RNF212B: variants seen among roughly 807,000 people sequenced by gnomAD.
The protein encoded by RNF212B is ring finger protein 212B, also known as E3 ubiquitin-protein ligase RNF212B.
RNF212B carries 52 observed loss-of-function variants against 55.5 expected under a neutral mutation model. The ratio of observed to expected loss-of-function variants is 0.94; its 90% CI spans 0.75 to 1.18. The LOEUF is 1.18. RNF212B is among the 50% of genes most tolerant of loss of function. RNF212B has a pLI of 0.00. For missense variants in RNF212B, 289 were observed against 350.4 expected, an observed-to-expected ratio of 0.82 and a Z score of 1.40; for synonymous variants, 99 against 121.4, an observed-to-expected ratio of 0.82 and a Z score of 1.21.
chr14:23,191,144 A>G (rs1878078946), intron 1 of RNF212B, among the ~76,000 whole-genome samples: 1 of 152,148 alleles, frequency 6.6e-6, no homozygotes, highest in South Asian at 2.1e-4. Context: ...GCCTGAGGTC[A>G]GGAGTTCAAG....
intron 6 of RNF212B, among the ~76,000 whole-genome samples, chr14:23,260,263 AG>A (rs1451740627): frequency 5.5e-5 from 8 of 144,902 alleles, no homozygotes; most frequent in Admixed American, 4.6e-4. Flanking sequence ...AAGATACCTC[AG>A]GACCCTTCCT....
At chr14:23,270,788 T>C (rs1019635820) in intron 14 of RNF212B, 127 bp downstream of exon 14, 10 of 665,874 alleles carry the variant, frequency 1.5e-5, no homozygotes, top group Non-Finnish European at 2.4e-5. Flanking sequence ...CTGGTAACTA[T>C]ATGTTCACAA....
At chr14:23,186,792 G>A (rs543147950) in intron 1 of RNF212B, among the ~76,000 whole-genome samples, 11 of 152,276 alleles carry the variant, frequency 7.2e-5, no homozygotes, top group African/African-American at 2.4e-4. Flanking sequence ...GAAACCTGAG[G>A]CTTAAAGAAA....
chr14:23,273,038 A>AGGG lies in RNF212B; in HGVS notation c.*147_*148insGGG. The AGGG allele has an allele frequency of 1.9e-6, 1 of 526,202 alleles. No homozygotes were observed. The highest frequency in any genetic ancestry group is 3.3e-6 in the Non-Finnish European group (1 of 299,906). The allele number at this position is 526,202 out of a possible 1,614,324, so 32.6% of individuals were successfully genotyped here. A position where few individuals can be genotyped will look rare whatever the true frequency, so the allele number is the denominator to read the frequency against. Reference sequence around the variant, plus strand: ...CTTATGCTCCCCCCATCTTTACCCTATTCACCCTTATCACCTCCCAGGACA... The same window carrying AGGG: ...CTTATGCTCCCCCCATCTTTACCCTAGGGTTCACCCTTATCACCTCCCAGGACA... On this transcript the variant is annotated 3_prime_UTR_variant, in exon 15 of 15. Coordinates refer to ENST00000430154, the MANE Select transcript of RNF212B (RefSeq NM_001282322.3).
At chr14:23,186,318 A>C (rs1447105192) in intron 1 of RNF212B, among the ~76,000 whole-genome samples, 1 of 150,268 alleles carries the variant, frequency 6.7e-6, no homozygotes, top group Non-Finnish European at 1.5e-5. Context: ...GTAAAAAATT[A>C]CAAACTAATG....
intron 2 of RNF212B, among the ~76,000 whole-genome samples, chr14:23,203,070 T>C (rs961354518): frequency 4.6e-5 from 7 of 152,072 alleles, no homozygotes; most frequent in African/African-American, 1.7e-4. Flanking sequence ...GATTTTGGTG[T>C]ACCCATCACC....
At chr14:23,235,590 T>G (rs149316095), upstream of RNF212B, among the ~76,000 whole-genome samples, 1 of 152,206 alleles carries the variant, frequency 6.6e-6, no homozygotes, top group Non-Finnish European at 1.5e-5. Context: ...AGATGAAAAT[T>G]AGACCTTTGG....
Position 23,272,967 on chromosome 14 carries a change from C to A in RNF212B, c.*76C>A. 1.2e-6 allele frequency: 1 copy of A among 806,818 alleles called. No homozygotes were observed. 50.0% of individuals were successfully genotyped at this position (806,818 alleles called of 1,614,324 possible). ...TTCCAGTACGCATTAGGGGTGATGG[C>A]CCTGGAAAATGTATCCCTGCATTGT... On this transcript the variant is annotated 3_prime_UTR_variant, in exon 15 of 15. Transcript: ENST00000430154.
At position 23,260,684 on chromosome 14, in the gene RNF212B, G is replaced by C. The variant is rs1885230247; in HGVS notation, c.431G>C (p.Ser144Thr). Residue 144 changes from serine (S) to threonine (T), a missense_variant, in exon 7 of 15, where the codon AGC becomes ACC. Physicochemically the swap from Ser to Thr is moderately conservative, Grantham distance 58. Coordinates refer to ENST00000430154, the MANE Select transcript of RNF212B (RefSeq NM_001282322.3). ...GAATCTCCAAGTCGGTACCAAGGAA[G>C]CAGGTCAGTTTTATCAGCTCCCATA... ...LKESPSRYQG[S>T]RSITPRPVGI... 1 of 1,550,356 alleles carries C rather than the reference G, an allele frequency of 6.5e-7. No individual in the cohort carries two copies. Among genetic ancestry groups the C allele is most frequent in the Admixed American group, 2.0e-5 (1 of 50,972 alleles).
At chr14:23,214,498 A>G (rs1203739941) in intron 2 of RNF212B, among the ~76,000 whole-genome samples, 2 of 152,090 alleles carry the variant, frequency 1.3e-5, no homozygotes, top group African/African-American at 2.4e-5. Flanking sequence ...AGTCCCCCCA[A>G]TAATTAAATT....
chr14:23,248,440 C>CTTTTTTT (rs34288769), intron 4 of RNF212B, among the ~76,000 whole-genome samples: 1 of 112,842 alleles, frequency 8.9e-6, no homozygotes, highest in Non-Finnish European at 1.8e-5. Context: ...CCCCAAGCCT[C>CTTTTTTT]TTTTTTTTTT....
intron 4 of RNF212B, among the ~76,000 whole-genome samples, chr14:23,256,569 G>A (rs1464578740): frequency 6.6e-6 from 1 of 151,946 alleles, no homozygotes; most frequent in Admixed American, 6.6e-5. Flanking sequence ...ACGGGGTTTT[G>A]CCATATTGGC....
At chr14:23,251,207 T>C (rs943091785) in intron 4 of RNF212B, among the ~76,000 whole-genome samples, 2 of 152,172 alleles carry the variant, frequency 1.3e-5, no homozygotes, top group Non-Finnish European at 2.9e-5. Flanking sequence ...GTGAGATGTT[T>C]TCTGATACCA....
At chr14:23,270,200 T>C (rs1885974970) in intron 13 of RNF212B, among the ~76,000 whole-genome samples, 1 of 152,208 alleles carries the variant, frequency 6.6e-6, no homozygotes, top group South Asian at 2.1e-4. Flanking sequence ...GCCAGAAGGT[T>C]GGCCTATAGG....
chr14:23,250,260 C>T (rs1884305719), intron 4 of RNF212B, among the ~76,000 whole-genome samples: 1 of 152,016 alleles, frequency 6.6e-6, no homozygotes, highest in African/African-American at 2.4e-5. Context: ...GGGTGGATCA[C>T]TTGAGGTCAG....
chr14:23,213,312 TA>T (rs10707951), intron 2 of RNF212B, among the ~76,000 whole-genome samples: 17,844 of 140,200 alleles, frequency 0.13, 2,967 homozygotes, highest in African/African-American at 0.39. Flanking sequence ...GACTCCGTCT[TA>T]AAAAAAAAAA....
intron 4 of RNF212B, among the ~76,000 whole-genome samples, chr14:23,249,284 C>T (rs1253965474): frequency 1.3e-5 from 2 of 152,196 alleles, no homozygotes; most frequent in African/African-American, 2.4e-5. Context: ...GTGGGCCAGG[C>T]GCAGTGGTTC....
At position 23,243,318 on chromosome 14, in the gene RNF212B, TC is replaced by T; in HGVS notation, c.153+11del. On this transcript the variant is annotated intron_variant, in intron 3 of 14. Transcript: ENST00000430154. The stretch of plus-strand genomic sequence containing the variant: ...GGCTCTTTCTGATAATGTAAGTTTT[TC>T]TCCCCCTGCCACAAACTGTCTCATC... 1.3e-6 allele frequency: 2 copies of T among 1,548,602 alleles called. No individual in the cohort carries two copies. Among genetic ancestry groups the T allele is most frequent in the South Asian group, 2.4e-5 (2 of 83,980 alleles).
At chr14:23,242,593 T>G (rs544244580) in intron 2 of RNF212B, among the ~76,000 whole-genome samples, 1 of 152,296 alleles carries the variant, frequency 6.6e-6, no homozygotes, top group East Asian at 1.9e-4. Context: ...TCTTCCTCAC[T>G]CTTGTAAATG....
Sources: allele counts gnomAD v4.1 joint callset (sites outside exome capture counted in the v4.1 genomes callset), GRCh38; gene constraint gnomAD v4.1.1; transcripts MANE v1.5; gene names NCBI Gene and HGNC (gene_info 2026-07-23, HGNC 2026-07-21).